The following DOK6 variants were observed in gnomAD, a reference collection of about 807,000 sequenced individuals.
DOK6 encodes the protein docking protein 6, also known as downstream of tyrosine kinase 6.
Under a neutral mutation model 44.0 loss-of-function variants are expected in DOK6, and 22 were observed. The observed-to-expected ratio is 0.50, with a 90% CI of 0.36 to 0.71. DOK6 has a LOEUF of 0.71. Among genes scored for constraint, DOK6 ranks in the 30% least tolerant of loss-of-function variants. The pLI is 0.00. For missense variants in DOK6, 340 were observed against 416.4 expected (o/e 0.82, Z 1.60); for synonymous variants, 166 against 145.5 (o/e 1.14, Z -1.01).
chr18:69,535,087 G>A (rs1424873105), intron 1 of DOK6, among the ~76,000 whole-genome samples: 1 of 152,028 alleles, frequency 6.6e-6, no homozygotes, highest in Non-Finnish European at 1.5e-5. Context: ...TTTTAGCTTT[G>A]TAAAGTTGCA....
At chr18:69,594,358 A>G (rs1199828910) in intron 2 of DOK6, among the ~76,000 whole-genome samples, 1 of 152,128 alleles carries the variant, frequency 6.6e-6, no homozygotes, top group East Asian at 1.9e-4. Context: ...ATATAAGCAA[A>G]CCTCTTTAAG....
At chr18:69,409,383 C>CT (rs1394556455) in intron 1 of DOK6, among the ~76,000 whole-genome samples, 1 of 152,062 alleles carries the variant, frequency 6.6e-6, no homozygotes, top group Non-Finnish European at 1.5e-5. Flanking sequence ...TATGGAATTG[C>CT]TTTTTTCTGA....
intron 1 of DOK6, among the ~76,000 whole-genome samples, chr18:69,408,183 A>G (rs891753014): frequency 1.3e-5 from 2 of 152,208 alleles, no homozygotes; most frequent in African/African-American, 4.8e-5. Flanking sequence ...ACTTTGGAGT[A>G]TATATAGACA....
At chr18:69,496,092 G>C (rs1042160490) in intron 1 of DOK6, among the ~76,000 whole-genome samples, 7 of 152,188 alleles carry the variant, frequency 4.6e-5, no homozygotes, top group African/African-American at 1.7e-4. Flanking sequence ...TGCTCTGTGG[G>C]CTAGGAGGCC....
intron 1 of DOK6, among the ~76,000 whole-genome samples, chr18:69,425,287 C>T (rs1978605721): frequency 1.3e-5 from 2 of 151,480 alleles, no homozygotes; most frequent in African/African-American, 4.8e-5. Flanking sequence ...TTTTTCTTTT[C>T]CCACTATCAC....
chr18:69,696,487 C>T (rs1201048340), intron 4 of DOK6, among the ~76,000 whole-genome samples: 1 of 152,018 alleles, frequency 6.6e-6, no homozygotes, highest in Non-Finnish European at 1.5e-5. Context: ...ATTATTTTTT[C>T]GGTTGCTAAT....
intron 2 of DOK6, among the ~76,000 whole-genome samples, chr18:69,577,436 A>G (rs1029586090): frequency 1.4e-4 from 21 of 152,162 alleles, no homozygotes; most frequent in Non-Finnish European, 2.4e-4. Context: ...GTATTCATCC[A>G]TCTTCAATCT....
At chr18:69,466,668 T>C (rs1979937003) in intron 1 of DOK6, among the ~76,000 whole-genome samples, 1 of 152,010 alleles carries the variant, frequency 6.6e-6, no homozygotes, top group Non-Finnish European at 1.5e-5. Context: ...AAAAAAGCTG[T>C]ATGAGATCAT....
At chr18:69,736,304 T>A (rs1978603637) in intron 5 of DOK6, among the ~76,000 whole-genome samples, 1 of 127,656 alleles carries the variant, frequency 7.8e-6, no homozygotes, top group Non-Finnish European at 1.8e-5. Flanking sequence ...TTTCCCTATA[T>A]CACAATGTTG....
intron 1 of DOK6, among the ~76,000 whole-genome samples, chr18:69,512,889 G>A (rs1422247526): frequency 6.6e-6 from 1 of 152,136 alleles, no homozygotes; most frequent in Admixed American, 6.5e-5. Context: ...ACTGGTATGT[G>A]GATTGCAGCT....
At chr18:69,713,161 A>G (rs1289844016) in intron 5 of DOK6, among the ~76,000 whole-genome samples, 1 of 152,180 alleles carries the variant, frequency 6.6e-6, no homozygotes, top group Non-Finnish European at 1.5e-5. Context: ...TGAGAAAGCT[A>G]TTATTTATCG....
Position 69,690,146 on chromosome 18 carries a change from G to A in DOK6, c.410-8258G>A, listed in dbSNP as rs1986233117. 1.3e-5 allele frequency among the ~76,000 whole-genome samples: 2 copies of A among 151,154 alleles called. 1 individual carries two copies. Among genetic ancestry groups the A allele is most frequent in the South Asian group, 4.2e-4 (2 of 4,810 alleles). ...CCATGCAATAGTCAATTTTTGTAAA[G>A]CAAAAAAGAAATTTCTGGGGAATTT... On this transcript the variant is annotated intron_variant, in intron 4 of 7. Coordinates refer to ENST00000382713, the MANE Select transcript of DOK6 (RefSeq NM_152721.6).
chr18:69,570,229 C>G (rs1250877002), intron 2 of DOK6, among the ~76,000 whole-genome samples: 2 of 151,924 alleles, frequency 1.3e-5, no homozygotes, highest in Non-Finnish European at 2.9e-5. Context: ...AAAGCAAAAA[C>G]AAAATTCACC....
At chr18:69,482,280 A>G (rs183874157) in intron 1 of DOK6, among the ~76,000 whole-genome samples, 3,591 of 152,186 alleles carry the variant, frequency 0.024, 142 homozygotes, top group African/African-American at 0.082. Context: ...TTGGTGTTTT[A>G]GACATGAAGT....
chr18:69,808,553 CA>C, intron 7 of DOK6, among the ~76,000 whole-genome samples: 1 of 151,710 alleles, frequency 6.6e-6, no homozygotes, highest in Non-Finnish European at 1.5e-5. Context: ...CTAAGAGAAA[CA>C]GAGAAGAGAC....
intron 5 of DOK6, among the ~76,000 whole-genome samples, chr18:69,727,645 A>T (rs1307209907): frequency 2.6e-5 from 4 of 152,214 alleles, no homozygotes; most frequent in African/African-American, 9.6e-5. Context: ...GACCACGGTA[A>T]AAGAAAACCT....
At chr18:69,551,915 T>A (rs1212213103) in intron 1 of DOK6, among the ~76,000 whole-genome samples, 4 of 152,186 alleles carry the variant, frequency 2.6e-5, no homozygotes, top group African/African-American at 9.6e-5. Context: ...TGTATTGAAA[T>A]CTCCATAAAT....
At chr18:69,651,690 T>C (rs1985232171) in intron 3 of DOK6, among the ~76,000 whole-genome samples, 1 of 151,894 alleles carries the variant, frequency 6.6e-6, no homozygotes, top group Non-Finnish European at 1.5e-5. Context: ...GGTTTCACCA[T>C]GTTGGCCAAG....
At chr18:69,746,475 C>T (rs185582566) in intron 6 of DOK6, among the ~76,000 whole-genome samples, 6 of 152,252 alleles carry the variant, frequency 3.9e-5, no homozygotes, top group Admixed American at 3.9e-4. Flanking sequence ...AGGCTGGTCT[C>T]AAACTCCTGA....
Sources: gnomAD v4.1 joint callset for allele counts (sites outside exome capture counted in the v4.1 genomes callset) on GRCh38, gnomAD v4.1.1 for gene constraint, MANE v1.5 for transcripts, NCBI Gene and HGNC (gene_info 2026-07-23, HGNC 2026-07-21) for gene names.